Variants in PPP6R2 observed in about 807,000 individuals in gnomAD.
The protein encoded by PPP6R2 is serine/threonine-protein phosphatase 6 regulatory subunit 2.
Under a neutral mutation model 100.2 loss-of-function variants are expected in PPP6R2, and 62 were observed. The ratio of observed to expected loss-of-function variants is 0.62; its 90% CI spans 0.50 to 0.76. PPP6R2 has a LOEUF of 0.76. PPP6R2 is among the 30% of genes least tolerant of loss of function. PPP6R2 has a pLI of 0.00. For synonymous variants in PPP6R2, 525 were observed against 514.7 expected, an observed-to-expected ratio of 1.02 and a Z score of -0.27; for missense variants, 1,142 against 1,276.3, an observed-to-expected ratio of 0.89 and a Z score of 1.60.
At chr22:50,392,636 C>T (rs952955135) in intron 2 of PPP6R2, among the ~76,000 whole-genome samples, 9 of 152,266 alleles carry the variant, frequency 5.9e-5, no homozygotes, top group African/African-American at 2.2e-4. Context: ...CCTTGTAGTG[C>T]GGATGGGGTC....
chr22:50,333,991 C>T, the PPP6R2 span, among the ~76,000 whole-genome samples: 3 of 152,198 alleles, frequency 2.0e-5, no homozygotes, highest in Non-Finnish European at 2.9e-5. Flanking sequence ...GGACAGGTAA[C>T]GTCATTATTT....
chr22:50,394,352 T>C (rs2056284131), intron 3 of PPP6R2, among the ~76,000 whole-genome samples: 1 of 152,112 alleles, frequency 6.6e-6, no homozygotes, highest in Non-Finnish European at 1.5e-5. Flanking sequence ...CCCAGCACTT[T>C]GGGAGGCTGA....
intron 10 of PPP6R2, among the ~76,000 whole-genome samples, chr22:50,427,922 A>G (rs553470421): frequency 7.4e-4 from 113 of 152,280 alleles, no homozygotes; most frequent in East Asian, 2.7e-3. Context: ...GGGTTTCACC[A>G]TATTAGCCAG....
At chr22:50,398,661 G>A (rs988701086) in intron 3 of PPP6R2, among the ~76,000 whole-genome samples, 11 of 151,182 alleles carry the variant, frequency 7.3e-5, no homozygotes, top group African/African-American at 1.5e-4. Context: ...GACTACAGGC[G>A]CACACCAGCA....
chr22:50,440,731 G>A (rs2065388613), intron 21 of PPP6R2, 91 bp from the exon 22 acceptor site: 3 of 1,409,444 alleles, frequency 2.1e-6, no homozygotes, highest in Non-Finnish European at 3.0e-6. Flanking sequence ...GCATGTGAGA[G>A]GGCCACATGT....
At chr22:50,333,008 C>T in the PPP6R2 span, among the ~76,000 whole-genome samples, 4 of 152,052 alleles carry the variant, frequency 2.6e-5, no homozygotes, top group African/African-American at 7.2e-5. Flanking sequence ...GACTTAGGAG[C>T]GAGGTGTGGT....
rs1256619677 is a variant in PPP6R2, at chr22:50,404,049, G to A, written c.228-2640G>A. Among the ~76,000 whole-genome samples, 5 of 147,932 alleles carry A rather than the reference G, an allele frequency of 3.4e-5. No homozygotes were observed. The South Asian group carries it at 6.5e-4, about 19-fold the overall frequency. ...AGCTGACCTTGAGCACACATTTGCTGTGTGACAGGCATGGGCAGGCACTGT... is the reference window on the plus strand; with the variant it reads ...AGCTGACCTTGAGCACACATTTGCTATGTGACAGGCATGGGCAGGCACTGT... On this transcript the variant is annotated intron_variant, in intron 3 of 23. Coordinates refer to ENST00000612753, the MANE Select transcript of PPP6R2 (RefSeq NM_001242898.2).
At chr22:50,420,043 C>T (rs12163042) in intron 8 of PPP6R2, among the ~76,000 whole-genome samples, 1 of 152,314 alleles carries the variant, frequency 6.6e-6, no homozygotes, top group East Asian at 1.9e-4. Context: ...AACACGGGCC[C>T]GAGGAGACAG....
rs576183848 is a variant in PPP6R2, at chr22:50,394,761, C to A, written c.227+626C>A. Among the ~76,000 whole-genome samples, 6 of 151,646 alleles carry A rather than the reference C, an allele frequency of 4.0e-5. No homozygotes were observed. In the South Asian group the frequency reaches 1.3e-3, roughly 32 times the overall value. ...CTCTACTAAAAATACAAAAAATTAG[C>A]CGGGCATGGTGGCGGGCGCCCGTAG... On this transcript the variant is annotated intron_variant, in intron 3 of 23. Coordinates refer to ENST00000612753, the MANE Select transcript of PPP6R2 (RefSeq NM_001242898.2).
the PPP6R2 span, among the ~76,000 whole-genome samples, chr22:50,332,344 C>T: frequency 2.6e-5 from 4 of 151,704 alleles, no homozygotes; most frequent in South Asian, 2.1e-4. Flanking sequence ...CATTCTTCTG[C>T]CTCAGCCTCC....
intron 12 of PPP6R2, among the ~76,000 whole-genome samples, chr22:50,432,963 G>T (rs936151707): frequency 3.3e-5 from 5 of 152,356 alleles, no homozygotes; most frequent in African/African-American, 9.6e-5. Flanking sequence ...GGCAGCATGG[G>T]CTCACCTCCT....
chr22:50,401,712 G>A (rs894816010), intron 3 of PPP6R2, among the ~76,000 whole-genome samples: 1 of 150,698 alleles, frequency 6.6e-6, no homozygotes, highest in Non-Finnish European at 1.5e-5. Context: ...GCACAATCTC[G>A]GCTCACTGTA....
intron 4 of PPP6R2, among the ~76,000 whole-genome samples, chr22:50,411,906 G>T (rs887390280): frequency 1.3e-5 from 2 of 151,766 alleles, no homozygotes; most frequent in Non-Finnish European, 2.9e-5. Flanking sequence ...TTGGCTGGAC[G>T]TAGTGATGGG....
At position 50,431,908 on chromosome 22, in the gene PPP6R2, G is replaced by A. The variant is rs780771624; in HGVS notation, c.1336-357G>A. Among the ~76,000 whole-genome samples the A allele has an allele frequency of 4.2e-4, 64 of 152,260 alleles. No individual in the cohort carries two copies. The highest frequency in any genetic ancestry group is 1.3e-3 in the African/African-American group (55 of 41,536). On this transcript the variant is annotated intron_variant, in intron 11 of 23. Transcript: ENST00000612753. This position sits in a 1 kb window ranked among gnomAD's most constrained non-coding sequence, Gnocchi z 4.8. ...GGCAGACAGCCCTAGTCGTTCTTCC[G>A]GACACAGAGAAAGAGGGCAGGAGAG...
At chr22:50,400,760 C>T (rs1366930967) in intron 3 of PPP6R2, among the ~76,000 whole-genome samples, 1 of 152,064 alleles carries the variant, frequency 6.6e-6, no homozygotes, top group Non-Finnish European at 1.5e-5. Flanking sequence ...AAAGATATCC[C>T]GAGTAGACAA....
upstream of PPP6R2, among the ~76,000 whole-genome samples, chr22:50,338,893 GTA>G (rs879840377): frequency 0.089 from 11,315 of 127,444 alleles, 715 homozygotes; most frequent in East Asian, 0.16. Context: ...GTTATGTGGG[GTA>G]TGTGTGGTGT....
chr22:50,440,864 G>C lies in PPP6R2; in HGVS notation c.2417G>C (p.Arg806Thr). ...TGTGCCTGGAACGTGTGTGTCACCA[G>C]GAAGGCCCCCCTGCTGGCCTCTGAC... ...SPCAWNVCVT[R>T]KAPLLASDSS... The change falls in exon 22 of 24, where the codon AGG becomes ACG. Residue 806 changes from arginine (R) to threonine (T), a missense_variant. Arg to Thr is a moderately conservative substitution (Grantham distance 71, BLOSUM62 -1). Coordinates refer to ENST00000612753, the MANE Select transcript of PPP6R2 (RefSeq NM_001242898.2). 6.2e-7 allele frequency: 1 copy of C among 1,613,904 alleles called. No homozygotes were observed. Among genetic ancestry groups the C allele is most frequent in the South Asian group, 1.1e-5 (1 of 91,082 alleles).
chr22:50,376,900 G>A (rs922720222), intron 2 of PPP6R2, among the ~76,000 whole-genome samples: 14 of 152,150 alleles, frequency 9.2e-5, no homozygotes, highest in East Asian at 5.8e-4. Context: ...GGTGGCAGGC[G>A]CCTGTAGTCC....
At chr22:50,347,214 A>G (rs1397539083) in intron 1 of PPP6R2, among the ~76,000 whole-genome samples, 1 of 150,804 alleles carries the variant, frequency 6.6e-6, no homozygotes, top group Non-Finnish European at 1.5e-5. Flanking sequence ...TTCATCCCTT[A>G]TCTGTTAGGG....
Sources: allele counts gnomAD v4.1 joint callset (sites outside exome capture counted in the v4.1 genomes callset), GRCh38; gene constraint gnomAD v4.1.1; non-coding constraint Gnocchi (gnomAD v3.1); transcripts MANE v1.5; gene names NCBI Gene and HGNC (gene_info 2026-07-23, HGNC 2026-07-21).